MCM5: variants seen among roughly 807,000 people sequenced by gnomAD.
The protein encoded by MCM5 is minichromosome maintenance complex component 5, also known as DNA replication licensing factor MCM5.
MCM5 carries 46 observed loss-of-function variants against 79.9 expected under a neutral mutation model. The observed-to-expected ratio is 0.58, with a 90% CI of 0.45 to 0.74. The LOEUF (loss-of-function observed/expected upper bound fraction) is 0.74, where lower values mean the gene tolerates loss of function less well. MCM5 is among the 30% of genes least tolerant of loss of function. The probability of loss-of-function intolerance (pLI) is 0.00; values close to 1 mark genes in which losing one functional copy is unlikely to be tolerated. For synonymous variants in MCM5, 404 were observed against 390.5 expected (o/e 1.03, Z -0.41); for missense variants, 883 against 1,017.0 (o/e 0.87, Z 1.79).
chr22:35,409,031 C>A (rs572533292), intron 6 of MCM5, among the ~76,000 whole-genome samples: 5 of 151,948 alleles, frequency 3.3e-5, no homozygotes, highest in African/African-American at 1.2e-4. Flanking sequence ...GGCGCGATCT[C>A]GGCTCACTGC....
downstream of MCM5, among the ~76,000 whole-genome samples, chr22:35,429,282 G>A (rs992197182): frequency 5.0e-5 from 3 of 59,830 alleles, no homozygotes; most frequent in Non-Finnish European, 7.1e-5. Context: ...CACCGTGCCC[G>A]GCCAAATCTT....
Position 35,400,613 on chromosome 22 carries a change from T to C in MCM5, c.167+8T>C. ...CTTCACCTTCAAATACAGGTGCGGC[T>C]CCTGCGGGGCCGGGGGCTCGAGTTC... On this transcript the variant is annotated splice_region_variant and intron_variant, in intron 2 of 16. Transcript: ENST00000216122. The C allele has an allele frequency of 2.5e-6, 4 of 1,596,278 alleles. No individual in the cohort carries two copies. Among genetic ancestry groups the C allele is most frequent in the Non-Finnish European group, 3.4e-6 (4 of 1,170,070 alleles).
downstream of MCM5, among the ~76,000 whole-genome samples, chr22:35,427,783 G>A (rs1394305245): frequency 2.0e-5 from 3 of 151,988 alleles, no homozygotes; most frequent in Non-Finnish European, 4.4e-5. Flanking sequence ...TTATGGTGAG[G>A]CCAAAGAGTA....
chr22:35,423,547 C>G (rs533164314), intron 16 of MCM5: 2 of 462,728 alleles, frequency 4.3e-6, no homozygotes, highest in South Asian at 4.8e-5. Flanking sequence ...GGTATTTTTT[C>G]TGTCCCACGA....
the MCM5 span, among the ~76,000 whole-genome samples, chr22:35,430,605 C>G: frequency 6.6e-6 from 1 of 151,198 alleles, no homozygotes. Context: ...CAGTTTCAAG[C>G]AATTCTTCTG....
the MCM5 span, among the ~76,000 whole-genome samples, chr22:35,449,509 C>T: frequency 6.6e-6 from 1 of 151,862 alleles, no homozygotes; most frequent in Non-Finnish European, 1.5e-5. Context: ...CTCTGCCCAG[C>T]CGTGGCTTCT....
At chr22:35,420,390 ACT>A (rs1932665810) in intron 14 of MCM5, among the ~76,000 whole-genome samples, 1 of 152,174 alleles carries the variant, frequency 6.6e-6, no homozygotes, top group South Asian at 2.1e-4. Context: ...TTAGCTCCTA[ACT>A]CTGTTCATTC....
chr22:35,448,917 A>G, the MCM5 span, among the ~76,000 whole-genome samples: 1 of 152,214 alleles, frequency 6.6e-6, no homozygotes, highest in African/African-American at 2.4e-5. Flanking sequence ...GCAAGAAGTG[A>G]ATGGGGACCT....
At chr22:35,400,400 A>C (rs752669824) in intron 1 of MCM5, 31 bp from the exon 2 acceptor site, 1 of 1,613,376 alleles carries the variant, frequency 6.2e-7, no homozygotes. Context: ...CGCTGCCCCC[A>C]GCCTGTTCTG....
Position 35,415,888 on chromosome 22 carries a change from C to T in MCM5, c.1263C>T (p.Asp421=), listed in dbSNP as rs1297182063. ...AAGLTASVMR[D]PSSRNFIMEG... ...GACTGACAGCCTCGGTGATGAGGGA[C>T]CCTTCGTCCCGGAATTTCATCATGG... Residue 421 remains aspartate (D), a synonymous_variant, in exon 10 of 17, where the codon GAC becomes GAT. Transcript: ENST00000216122. 1 of 1,614,122 alleles carries T rather than the reference C, an allele frequency of 6.2e-7. No homozygotes were observed. The highest frequency in any genetic ancestry group is 2.2e-5 in the East Asian group (1 of 44,884).
At chr22:35,438,602 C>CCCACCCACAAATTCATCCATCCAT in the MCM5 span, among the ~76,000 whole-genome samples, 1 of 57,142 alleles carries the variant, frequency 1.8e-5, no homozygotes, top group Non-Finnish European at 3.1e-5. Context: ...CATGCATCCA[C>CCCACCCACAAATTCATCCATCCAT]CCACCCACAT....
At chr22:35,438,816 C>CATCT in the MCM5 span, among the ~76,000 whole-genome samples, 1 of 31,430 alleles carries the variant, frequency 3.2e-5, no homozygotes, top group African/African-American at 1.5e-4. Flanking sequence ...TCCATCCATC[C>CATCT]GTCCATCCAC....
the MCM5 span, among the ~76,000 whole-genome samples, chr22:35,453,813 TATATATAGAG>T: frequency 5.3e-5 from 5 of 94,774 alleles, no homozygotes; most frequent in African/African-American, 2.1e-4. Context: ...TATATATATA[TATATATAGAG>T]AGAGAGAGAG....
At chr22:35,440,003 AATC>A in the MCM5 span, among the ~76,000 whole-genome samples, 5 of 152,238 alleles carry the variant, frequency 3.3e-5, no homozygotes, top group African/African-American at 1.2e-4. Flanking sequence ...AAATAAAAAA[AATC>A]ATCTAGAATC....
the MCM5 span, among the ~76,000 whole-genome samples, chr22:35,430,918 C>A: frequency 2.6e-5 from 4 of 151,230 alleles, no homozygotes; most frequent in Admixed American, 6.6e-5. Flanking sequence ...CCTGAATAAT[C>A]AGGAGAATTT....
At chr22:35,453,517 T>TCAGAGA in the MCM5 span, among the ~76,000 whole-genome samples, 29,837 of 150,068 alleles carry the variant, frequency 0.2, 3,313 homozygotes, top group African/African-American at 0.3. Flanking sequence ...GGGTAGAGCA[T>TCAGAGA]CAGAGACAGA....
At chr22:35,437,343 A>G in the MCM5 span, among the ~76,000 whole-genome samples, 1 of 150,360 alleles carries the variant, frequency 6.7e-6, no homozygotes, top group Admixed American at 6.6e-5. Flanking sequence ...GGACACCAAA[A>G]GAGAGAGGTT....
At chr22:35,414,224 T>G (rs1263117030) in intron 9 of MCM5, among the ~76,000 whole-genome samples, 1 of 152,134 alleles carries the variant, frequency 6.6e-6, no homozygotes, top group Non-Finnish European at 1.5e-5. Flanking sequence ...GGGGTTTGGG[T>G]CTCACCCTGG....
intron 5 of MCM5, 75 bp downstream of exon 5, chr22:35,406,800 C>A: frequency 6.8e-7 from 1 of 1,476,414 alleles, no homozygotes; most frequent in South Asian, 1.2e-5. Flanking sequence ...AAGTAGCAAG[C>A]ACTGCCTGCA....
Sources: gnomAD v4.1 joint callset for allele counts (sites outside exome capture counted in the v4.1 genomes callset) on GRCh38, gnomAD v4.1.1 for gene constraint, MANE v1.5 for transcripts, NCBI Gene and HGNC (gene_info 2026-07-23, HGNC 2026-07-21) for gene names.